Variants in CDK14 observed in about 807,000 individuals in gnomAD.
CDK14 encodes the protein cyclin dependent kinase 14.
CDK14 carries 34 observed loss-of-function variants against 60.7 expected under a neutral mutation model. The observed-to-expected ratio is 0.56, with a 90% CI of 0.43 to 0.75. The LOEUF (loss-of-function observed/expected upper bound fraction) is 0.75, where lower values mean the gene tolerates loss of function less well. Among genes scored for constraint, CDK14 ranks in the 30% least tolerant of loss-of-function variants. The pLI is 0.00. For synonymous variants in CDK14, 197 were observed against 203.7 expected, an observed-to-expected ratio of 0.97 and a Z score of 0.28; for missense variants, 482 against 564.1, an observed-to-expected ratio of 0.85 and a Z score of 1.47.
At chr7:91,096,360 A>G (rs1169092701) in intron 12 of CDK14, among the ~76,000 whole-genome samples, 1 of 152,130 alleles carries the variant, frequency 6.6e-6, no homozygotes, top group Non-Finnish European at 1.5e-5. Flanking sequence ...AGAGGCTCAC[A>G]TGGTGAGGAA....
At chr7:91,005,351 A>C (rs1795952809) in intron 10 of CDK14, among the ~76,000 whole-genome samples, 1 of 152,232 alleles carries the variant, frequency 6.6e-6, no homozygotes, top group African/African-American at 2.4e-5. Context: ...TCCCTCCAGC[A>C]CCATCTACGG....
chr7:90,808,121 A>G (rs1021656351), intron 5 of CDK14, among the ~76,000 whole-genome samples: 2 of 152,184 alleles, frequency 1.3e-5, no homozygotes, highest in Admixed American at 6.5e-5. Context: ...ACAACACCAC[A>G]AAGATACTCC....
intron 7 of CDK14, among the ~76,000 whole-genome samples, chr7:90,908,532 A>G (rs1792785899): frequency 1.3e-5 from 2 of 150,990 alleles, no homozygotes; most frequent in African/African-American, 5.0e-5. Context: ...GAATAGGGGA[A>G]ACACCCTCCT....
chr7:90,664,510 T>A (rs1227186906), intron 2 of CDK14, among the ~76,000 whole-genome samples: 3 of 152,178 alleles, frequency 2.0e-5, no homozygotes, highest in Non-Finnish European at 4.4e-5. Flanking sequence ...AGCGGCACTA[T>A]TCACAATAGC....
At chr7:90,896,991 C>T (rs1394708087) in intron 6 of CDK14, among the ~76,000 whole-genome samples, 2 of 152,010 alleles carry the variant, frequency 1.3e-5, no homozygotes, top group African/African-American at 2.4e-5. Flanking sequence ...GTGTTATATC[C>T]TTTATAGCTT....
intron 11 of CDK14, among the ~76,000 whole-genome samples, chr7:91,072,514 T>C (rs1037277498): frequency 2.0e-5 from 3 of 151,920 alleles, no homozygotes; most frequent in African/African-American, 7.3e-5. Flanking sequence ...AAAAACCTCC[T>C]CCAAGGGTCA....
At chr7:90,843,874 A>G (rs1246541106) in intron 5 of CDK14, among the ~76,000 whole-genome samples, 1 of 152,190 alleles carries the variant, frequency 6.6e-6, no homozygotes, top group Admixed American at 6.6e-5. Context: ...ACTATGATCT[A>G]TATAATGTAA....
chr7:91,071,750 C>G (rs1000060643), intron 11 of CDK14, among the ~76,000 whole-genome samples: 1 of 152,214 alleles, frequency 6.6e-6, no homozygotes, highest in Non-Finnish European at 1.5e-5. Flanking sequence ...CTGCTAGCTG[C>G]CTAACACACT....
intron 8 of CDK14, among the ~76,000 whole-genome samples, chr7:90,922,094 G>A (rs144256276): frequency 2.6e-5 from 4 of 152,236 alleles, no homozygotes; most frequent in East Asian, 1.9e-4. Flanking sequence ...TGTTAGTCCC[G>A]AAGGTACAGA....
chr7:90,970,682 A>C (rs1794899087), intron 9 of CDK14, among the ~76,000 whole-genome samples: 1 of 152,198 alleles, frequency 6.6e-6, no homozygotes, highest in African/African-American at 2.4e-5. Flanking sequence ...CTTTATTTCT[A>C]AATTTTAGCA....
rs190704053 is a variant in CDK14 at position 90,820,499 on chromosome 7, C to T, written c.544+29847C>T. 7.2e-5 allele frequency among the ~76,000 whole-genome samples: 11 copies of T among 152,236 alleles called. No homozygotes were observed. In the East Asian group the frequency reaches 9.7e-4, roughly 13 times the overall value. ...GTTTAAAAGTGACATTTCCCTGCCT[C>T]GCTCTGTCTCTCCTGCCACCATGTA... is the stretch of plus-strand genomic sequence containing the variant. On this transcript the variant is annotated intron_variant, in intron 5 of 14. Coordinates refer to ENST00000380050, the MANE Select transcript of CDK14 (RefSeq NM_001287135.2).
At position 90,847,105 on chromosome 7, in the gene CDK14, T is replaced by C. The variant is rs555189195; in HGVS notation, c.545-16070T>C. ...GTAATTGTATATATCAAAACATTTC[T>C]CTAGGCAGGTTATGCCAAGCAATCT... On this transcript the variant is annotated intron_variant, in intron 5 of 14. Coordinates refer to ENST00000380050, the MANE Select transcript of CDK14 (RefSeq NM_001287135.2). Among the ~76,000 whole-genome samples, 3 of 152,312 alleles carry C rather than the reference T, an allele frequency of 2.0e-5. No homozygotes were observed. In the South Asian group the frequency reaches 6.2e-4, roughly 32 times the overall value.
At position 90,649,397 on chromosome 7, in the gene CDK14, CTTT is replaced by C. The variant is rs1367199746; in HGVS notation, c.123+45149_123+45151del. 3.7e-4 allele frequency among the ~76,000 whole-genome samples: 17 copies of C among 45,658 alleles called. 1 individual carries two copies. The highest frequency in any genetic ancestry group is 1.2e-3 in the African/African-American group (12 of 10,120). 30.0% of individuals were successfully genotyped at this position (45,658 alleles called of 152,430 possible). On this transcript the variant is annotated intron_variant, in intron 2 of 14. Coordinates refer to ENST00000380050, the MANE Select transcript of CDK14 (RefSeq NM_001287135.2). ...TCCTTCCTTCCTTCCTTCCTTCCTT[CTTT>C]CTTTCTTTCTTTCTTTCTTTCCTTC...
intron 2 of CDK14, among the ~76,000 whole-genome samples, chr7:90,639,778 C>T (rs548835322): frequency 1.3e-5 from 2 of 151,940 alleles, no homozygotes; most frequent in African/African-American, 2.4e-5. Flanking sequence ...CCACCCAGTT[C>T]GAGCTTCCCG....
At chr7:91,023,343 T>G (rs890093682) in intron 10 of CDK14, among the ~76,000 whole-genome samples, 1 of 152,030 alleles carries the variant, frequency 6.6e-6, no homozygotes, top group Non-Finnish European at 1.5e-5. Context: ...GATGGTGGTG[T>G]TCTTGATTTT....
At chr7:90,837,319 G>T (rs187548918) in intron 5 of CDK14, among the ~76,000 whole-genome samples, 6 of 142,510 alleles carry the variant, frequency 4.2e-5, no homozygotes, top group Non-Finnish European at 7.5e-5. Flanking sequence ...ATGGAGTCTC[G>T]CTCTATCACC....
At chr7:91,094,815 T>C (rs1207587231) in intron 12 of CDK14, among the ~76,000 whole-genome samples, 1 of 152,194 alleles carries the variant, frequency 6.6e-6, no homozygotes, top group Non-Finnish European at 1.5e-5. Context: ...GTACCTTGTA[T>C]GCTCTCCATC....
intron 2 of CDK14, among the ~76,000 whole-genome samples, chr7:90,637,164 T>A (rs1800173661): frequency 6.6e-6 from 1 of 152,044 alleles, no homozygotes; most frequent in Non-Finnish European, 1.5e-5. Context: ...AGTTATTTCT[T>A]GCCTTCTGCT....
At chr7:90,844,328 G>T (rs1790392288) in intron 5 of CDK14, among the ~76,000 whole-genome samples, 1 of 152,188 alleles carries the variant, frequency 6.6e-6, no homozygotes, top group South Asian at 2.1e-4. Context: ...TTGATTGGGG[G>T]TGGGGTAAGG....
Sources: gnomAD v4.1 joint callset for allele counts (sites outside exome capture counted in the v4.1 genomes callset) on GRCh38, gnomAD v4.1.1 for gene constraint, MANE v1.5 for transcripts, NCBI Gene and HGNC (gene_info 2026-07-23, HGNC 2026-07-21) for gene names.